Variants in GCFC2 observed in about 807,000 individuals in gnomAD.
GCFC2 encodes intron Large complex component GCFC2.
In GCFC2, 102 loss-of-function variants were observed where a neutral mutation model predicts 99.4. The ratio of observed to expected loss-of-function variants is 1.03; its 90% CI spans 0.87 to 1.21. The LOEUF (loss-of-function observed/expected upper bound fraction) is 1.21, where lower values mean the gene tolerates loss of function less well. GCFC2 is among the 50% of genes most tolerant of loss of function. GCFC2 has a pLI of 0.00. For synonymous variants in GCFC2, 338 were observed against 316.8 expected, an observed-to-expected ratio of 1.07 and a Z score of -0.71; for missense variants, 973 against 920.9, an observed-to-expected ratio of 1.06 and a Z score of -0.73.
chr2:75,711,098 G>C, upstream of GCFC2: 1 of 1,289,598 alleles, frequency 7.8e-7, no homozygotes, highest in African/African-American at 1.6e-5. Flanking sequence ...GTTAGGTTGC[G>C]TGGACTGACA....
At chr2:75,699,896 G>GT (rs541277356) in intron 4 of GCFC2, among the ~76,000 whole-genome samples, 2,492 of 135,600 alleles carry the variant, frequency 0.018, 16 homozygotes, top group South Asian at 0.032. Flanking sequence ...CTTTAACGTT[G>GT]TTTTTTTTTT....
At chr2:75,667,075 G>A (rs1385577050) in intron 15 of GCFC2, among the ~76,000 whole-genome samples, 1 of 151,566 alleles carries the variant, frequency 6.6e-6, no homozygotes, top group African/African-American at 2.4e-5. Flanking sequence ...AAGACAGAAT[G>A]AGGTGTATGT....
At chr2:75,709,711 A>G (rs1681043725) in intron 1 of GCFC2, among the ~76,000 whole-genome samples, 1 of 152,238 alleles carries the variant, frequency 6.6e-6, no homozygotes, top group South Asian at 2.1e-4. Flanking sequence ...TCACCACAAA[A>G]AAAAGTAAGT....
intron 12 of GCFC2, among the ~76,000 whole-genome samples, chr2:75,677,216 G>C (rs1679380312): frequency 6.6e-6 from 1 of 152,062 alleles, no homozygotes; most frequent in Non-Finnish European, 1.5e-5. Flanking sequence ...ATTTACTTTA[G>C]ATTTTTAGTC....
In GCFC2 at chr2:75,662,738, C is replaced by G. The variant is rs1678658441; in HGVS notation, c.*1928G>C. ...TTTGAAAGCAGTTTTAATATTTTATCTTCCACAAAAAGGTAGGAAAGTTTC... is the reference window on the plus strand; with the variant it reads ...TTTGAAAGCAGTTTTAATATTTTATGTTCCACAAAAAGGTAGGAAAGTTTC... On this transcript the variant is annotated 3_prime_UTR_variant, in exon 17 of 17. Transcript: ENST00000321027. The G allele has an allele frequency of 1.3e-5, 2 of 151,826 alleles. No individual in the cohort carries two copies. Among genetic ancestry groups the G allele is most frequent in the African/African-American group, 4.8e-5 (2 of 41,352 alleles). 9.4% of individuals were successfully genotyped at this position (151,826 alleles called of 1,614,324 possible).
At chr2:75,705,162 C>A (rs1004917373) in intron 2 of GCFC2, among the ~76,000 whole-genome samples, 5 of 152,112 alleles carry the variant, frequency 3.3e-5, no homozygotes, top group African/African-American at 1.2e-4. Flanking sequence ...GAAAATTTTA[C>A]TGAATAGCAC....
intron 1 of GCFC2, among the ~76,000 whole-genome samples, chr2:75,710,109 G>A (rs899637136): frequency 6.6e-5 from 10 of 152,068 alleles, no homozygotes; most frequent in African/African-American, 2.4e-4. Context: ...GCAAATAACT[G>A]GTGAAAAAAG....
chr2:75,683,722 C>T (rs1265820320), intron 11 of GCFC2, among the ~76,000 whole-genome samples: 5 of 132,714 alleles, frequency 3.8e-5, no homozygotes, highest in Non-Finnish European at 7.6e-5. Flanking sequence ...GAGACACACA[C>T]TGGCTCAAAA....
At chr2:75,676,672 C>G (rs1042637967) in intron 12 of GCFC2, among the ~76,000 whole-genome samples, 1 of 152,196 alleles carries the variant, frequency 6.6e-6, no homozygotes, top group African/African-American at 2.4e-5. Context: ...AGTGACACTG[C>G]TGACTCACGC....
At chr2:75,685,173 G>A (rs1421421503) in intron 11 of GCFC2, among the ~76,000 whole-genome samples, 2 of 152,068 alleles carry the variant, frequency 1.3e-5, no homozygotes, top group South Asian at 2.1e-4. Context: ...AAACCTGCAC[G>A]TTCTGCACAT....
intron 11 of GCFC2, among the ~76,000 whole-genome samples, chr2:75,685,324 TTC>T (rs1007042143): frequency 6.6e-6 from 1 of 152,206 alleles, no homozygotes; most frequent in Non-Finnish European, 1.5e-5. Flanking sequence ...TATCTCCAGT[TTC>T]TCTCTTCTCA....
chr2:75,673,706 A>C (rs746816511), intron 12 of GCFC2, among the ~76,000 whole-genome samples, 186 bp from the exon 13 acceptor site: 1 of 152,248 alleles, frequency 6.6e-6, no homozygotes, highest in Non-Finnish European at 1.5e-5. Flanking sequence ...AGTTGGATCA[A>C]TTTCATTGCT....
At chr2:75,694,955 G>A (rs950934959) in intron 5 of GCFC2, among the ~76,000 whole-genome samples, 18 of 152,120 alleles carry the variant, frequency 1.2e-4, no homozygotes, top group South Asian at 2.1e-4. Flanking sequence ...AATTTACTTC[G>A]TTCTGTATAT....
rs1017807358 is a variant in GCFC2 at position 75,694,442 on chromosome 2, T to C, written c.834-15A>G. On this transcript the variant is annotated splice_polypyrimidine_tract_variant and intron_variant, in intron 5 of 16. Transcript: ENST00000321027. ...GTAATGTTAATCTAAATAAATAAAA[T>C]AAAAATTAGTTTATTTTTCATACTC... 12 of 1,094,270 alleles carry C rather than the reference T, an allele frequency of 1.1e-5. No homozygotes were observed. The highest frequency in any genetic ancestry group is 1.5e-5 in the Non-Finnish European group (12 of 792,804). 67.8% of individuals were successfully genotyped at this position (1,094,270 alleles called of 1,614,324 possible).
upstream of GCFC2, among the ~76,000 whole-genome samples, chr2:75,712,787 G>A (rs946451355): frequency 1.3e-5 from 2 of 152,022 alleles, no homozygotes; most frequent in East Asian, 1.9e-4. Context: ...GACCCCAGAC[G>A]CGCCACCTTA....
In GCFC2 at chr2:75,671,960, G is replaced by A; in HGVS notation, c.1946C>T (p.Ser649Leu). The A allele has an allele frequency of 6.3e-7, 1 of 1,577,422 alleles. No homozygotes were observed. The highest frequency in any genetic ancestry group is 8.7e-7 in the Non-Finnish European group (1 of 1,148,778). ...GCAGTTTTTGCTCACCTTTAGGCCT[G>A]ACCAGAACTGTCTTTCTTGGAACTT... ...HSKFQERQFW[S>L]GLKLFRNILL... is the part of the protein sequence containing the mutation. The change falls in exon 14 of 17, where the codon TCA becomes TTA. Residue 649 changes from serine (S) to leucine (L), a missense_variant. Coordinates refer to ENST00000321027, the MANE Select transcript of GCFC2 (RefSeq NM_003203.5).
rs1680025900 is a variant in GCFC2 at position 75,690,690 on chromosome 2, A to C, written c.1174T>G (p.Phe392Val). ...CACTGAGTTTTTTCATCTACTGAGAAGTTTCCACTTGTGGATGTCTCATCT... is the reference window on the plus strand; with the variant it reads ...CACTGAGTTTTTTCATCTACTGAGACGTTTCCACTTGTGGATGTCTCATCT... ...RKDETSTSGNFSVDEKTQWIL... is the reference protein window; with the variant it reads ...RKDETSTSGNVSVDEKTQWIL... Residue 392 changes from phenylalanine (F) to valine (V), a missense_variant, in exon 8 of 17, where the codon TTC becomes GTC. Transcript: ENST00000321027. The C allele has an allele frequency of 6.4e-7, 1 of 1,564,542 alleles. No individual in the cohort carries two copies. The highest frequency in any genetic ancestry group is 1.7e-5 in the Admixed American group (1 of 58,014).
At chr2:75,694,860 TGTGCTTATAAAGATA>T (rs1346492757) in intron 5 of GCFC2, among the ~76,000 whole-genome samples, 1 of 152,090 alleles carries the variant, frequency 6.6e-6, no homozygotes, top group Non-Finnish European at 1.5e-5. Context: ...TAAGTATACA[TGTGCTTATAAAGATA>T]TACATATAGA....
chr2:75,686,345 T>C (rs2422233), intron 11 of GCFC2, among the ~76,000 whole-genome samples: 124,212 of 151,896 alleles, frequency 0.82, 51,193 homozygotes, highest in African/African-American at 0.92. Flanking sequence ...AAGCGATCCT[T>C]CTGCCTCGGC....
Sources: gnomAD v4.1 joint callset for allele counts (sites outside exome capture counted in the v4.1 genomes callset) on GRCh38, gnomAD v4.1.1 for gene constraint, MANE v1.5 for transcripts, NCBI Gene and HGNC (gene_info 2026-07-23, HGNC 2026-07-21) for gene names.